DNAH6: variants seen among roughly 807,000 people sequenced by gnomAD.
The protein encoded by DNAH6 is dynein axonemal heavy chain 6.
A neutral mutation model predicts 491.4 loss-of-function variants in DNAH6; 340 were observed. The ratio of observed to expected loss-of-function variants is 0.69; its 90% CI spans 0.63 to 0.76. DNAH6 has a LOEUF of 0.76. DNAH6 is among the 30% of genes least tolerant of loss of function. DNAH6 has a pLI of 0.00. For missense variants in DNAH6, 4,443 were observed against 4,972.2 expected (o/e 0.89, Z 3.20); for synonymous variants, 1,603 against 1,686.1 (o/e 0.95, Z 1.21).
intron 11 of DNAH6, among the ~76,000 whole-genome samples, chr2:84,559,423 CA>C (rs1558714313): frequency 6.6e-6 from 1 of 151,936 alleles, no homozygotes; most frequent in African/African-American, 2.4e-5. Flanking sequence ...TGCTGCAAAA[CA>C]AAAAAGAACC....
intron 2 of DNAH6, among the ~76,000 whole-genome samples, chr2:84,521,884 T>C (rs540078826): frequency 6.6e-5 from 10 of 152,306 alleles, no homozygotes; most frequent in Middle Eastern, 3.4e-3. Context: ...AGCCCTGTAG[T>C]ATAGTTTGAA....
chr2:84,670,617 T>G (rs1223801737), intron 39 of DNAH6, 142 bp downstream of exon 39: 9 of 659,888 alleles, frequency 1.4e-5, no homozygotes. Flanking sequence ...CATGGCATTT[T>G]TATGCTAGCT....
chr2:84,670,963 G>A lies in DNAH6; in HGVS notation c.6454+488G>A, dbSNP rs547967881. Among the ~76,000 whole-genome samples, 7 of 152,210 alleles carry A rather than the reference G, an allele frequency of 4.6e-5. No homozygotes were observed. The East Asian group carries it at 1.4e-3, about 29-fold the overall frequency. The stretch of plus-strand genomic sequence containing the variant: ...TCACCTTCAGACATTTGGAGTCTGG[G>A]CCAGTCTAAGCCTCAATCCAATACC... On this transcript the variant is annotated intron_variant, in intron 39 of 76. Coordinates refer to ENST00000389394, the MANE Select transcript of DNAH6 (RefSeq NM_001370.2).
At chr2:84,739,224 C>T (rs2105014395) in intron 62 of DNAH6, among the ~76,000 whole-genome samples, 1 of 152,198 alleles carries the variant, frequency 6.6e-6, no homozygotes, top group Non-Finnish European at 1.5e-5. Context: ...ATAGGTTTCC[C>T]TTTATAAGCA....
chr2:84,570,753 G>A (rs1383610760), intron 11 of DNAH6, among the ~76,000 whole-genome samples: 3 of 152,158 alleles, frequency 2.0e-5, no homozygotes, highest in South Asian at 4.1e-4. Context: ...CTGGCCACCC[G>A]AGCCAGTAGC....
At chr2:84,496,926 G>A in the DNAH6 span, among the ~76,000 whole-genome samples, 1 of 149,234 alleles carries the variant, frequency 6.7e-6, no homozygotes, top group Admixed American at 6.7e-5. Context: ...AATTAGATTT[G>A]TATTTTCTAG....
At chr2:84,711,265 G>C (rs974483484) in intron 56 of DNAH6, among the ~76,000 whole-genome samples, 2 of 152,148 alleles carry the variant, frequency 1.3e-5, no homozygotes, top group African/African-American at 4.8e-5. Flanking sequence ...AGAGAGAAGG[G>C]CTTCCCCAGC....
intron 14 of DNAH6, among the ~76,000 whole-genome samples, chr2:84,583,391 GAAAA>G (rs773729420): frequency 3.0e-4 from 45 of 152,230 alleles, no homozygotes; most frequent in Non-Finnish European, 5.3e-4. Flanking sequence ...GAACAAAACA[GAAAA>G]AAAGAGGAAA....
chr2:84,813,220 T>TAATGCTCTA, intron 74 of DNAH6, 90 bp downstream of exon 74: 1 of 927,058 alleles, frequency 1.1e-6, no homozygotes, highest in South Asian at 1.4e-5. Context: ...ACATGGCTGC[T>TAATGCTCTA]AATGCTCTAG....
chr2:84,775,416 A>G (rs929939959), intron 64 of DNAH6, among the ~76,000 whole-genome samples: 1 of 152,040 alleles, frequency 6.6e-6, no homozygotes, highest in Admixed American at 6.6e-5. Context: ...CTTTCCTAGT[A>G]TTTTGTTGAG....
At chr2:84,740,904 G>A (rs1672466495) in intron 62 of DNAH6, among the ~76,000 whole-genome samples, 1 of 152,152 alleles carries the variant, frequency 6.6e-6, no homozygotes, top group Admixed American at 6.5e-5. Context: ...TGCCTGTGGG[G>A]ACCCTTCTCC....
the DNAH6 span, among the ~76,000 whole-genome samples, chr2:84,475,959 A>G: frequency 4.6e-5 from 7 of 152,138 alleles, no homozygotes; most frequent in Admixed American, 1.3e-4. Context: ...ATCGACCCCA[A>G]TCAGGTCTGA....
chr2:84,657,146 T>C (rs942916979), intron 35 of DNAH6, among the ~76,000 whole-genome samples: 2 of 152,072 alleles, frequency 1.3e-5, no homozygotes, highest in Non-Finnish European at 2.9e-5. Flanking sequence ...ACTGTACTTA[T>C]GCAGGTCTAT....
In DNAH6 at chr2:84,558,297, G is replaced by A. The variant is rs150063714; in HGVS notation, c.1803+362G>A. On this transcript the variant is annotated intron_variant, in intron 11 of 76. Transcript: ENST00000389394. Reference sequence around the variant, plus strand: ...CAAAAAATTAGCCAGGCGTGGTGGCGGGTGCCTGTAGTCCCAACTTGGGAG... The same window carrying A: ...CAAAAAATTAGCCAGGCGTGGTGGCAGGTGCCTGTAGTCCCAACTTGGGAG... Among the ~76,000 whole-genome samples the A allele has an allele frequency of 5.9e-4, 90 of 151,882 alleles. 1 individual carries two copies. In the East Asian group the frequency reaches 0.015, roughly 26 times the overall value.
chr2:84,794,243 T>A (rs1678082092), intron 68 of DNAH6, among the ~76,000 whole-genome samples: 2 of 152,106 alleles, frequency 1.3e-5, no homozygotes, highest in Non-Finnish European at 1.5e-5. Context: ...AACCTAGGCA[T>A]TACCATTCAG....
intron 63 of DNAH6, among the ~76,000 whole-genome samples, chr2:84,746,566 G>A (rs1026450687): frequency 2.0e-5 from 3 of 152,200 alleles, no homozygotes; most frequent in African/African-American, 7.2e-5. Context: ...TGATTGGTGA[G>A]TTTCAGGAAG....
At chr2:84,521,345 G>T (rs1365757058) in intron 2 of DNAH6, among the ~76,000 whole-genome samples, 3 of 151,454 alleles carry the variant, frequency 2.0e-5, no homozygotes, top group Non-Finnish European at 4.4e-5. Context: ...TTGTAGATTT[G>T]TTTGTTTCTT....
At position 84,784,819 on chromosome 2, in the gene DNAH6, T is replaced by C; in HGVS notation, c.10953+9T>C. On this transcript the variant is annotated intron_variant, in intron 66 of 76. Coordinates refer to ENST00000389394, the MANE Select transcript of DNAH6 (RefSeq NM_001370.2). ...TTCAAAATTCTGTCAAGGTAATGTA[T>C]GCATATGGTTGGAACAATGTGAAAT... 1 of 1,509,018 alleles carries C rather than the reference T, an allele frequency of 6.6e-7. No homozygotes were observed. The highest frequency in any genetic ancestry group is 1.2e-5 in the South Asian group (1 of 83,050). 93.5% of individuals were successfully genotyped at this position (1,509,018 alleles called of 1,614,324 possible). A position where few individuals can be genotyped will look rare whatever the true frequency, so the allele number is the denominator to read the frequency against.
At chr2:84,803,115 A>T (rs766233393) in intron 70 of DNAH6, among the ~76,000 whole-genome samples, 2 of 152,250 alleles carry the variant, frequency 1.3e-5, no homozygotes, top group Non-Finnish European at 2.9e-5. Context: ...AGGTATTAAT[A>T]GAAAGACCTC....
Sources: allele counts gnomAD v4.1 joint callset (sites outside exome capture counted in the v4.1 genomes callset), GRCh38; gene constraint gnomAD v4.1.1; transcripts MANE v1.5; gene names NCBI Gene and HGNC (gene_info 2026-07-23, HGNC 2026-07-21).